CNTNAP2: variants seen among roughly 807,000 people sequenced by gnomAD.
The protein encoded by CNTNAP2 is contactin-associated protein-like 2.
A neutral mutation model predicts 155.2 loss-of-function variants in CNTNAP2; 98 were observed. The observed-to-expected ratio is 0.63, with a 90% CI of 0.54 to 0.75. CNTNAP2 has a LOEUF of 0.75. CNTNAP2 is among the 30% of genes least tolerant of loss of function. The pLI is 0.00. For synonymous variants in CNTNAP2, 651 were observed against 631.2 expected (o/e 1.03, Z -0.47); for missense variants, 1,727 against 1,688.1 (o/e 1.02, Z -0.40).
intron 3 of CNTNAP2, among the ~76,000 whole-genome samples, chr7:146,927,034 G>A (rs372375033): frequency 6.6e-6 from 1 of 152,180 alleles, no homozygotes; most frequent in Admixed American, 6.5e-5. Flanking sequence ...AGAGCTTTGA[G>A]TTAGTCCTGG....
rs1801288885 is a variant in CNTNAP2, at chr7:147,128,723, A to G, written c.970A>G (p.Lys324Glu). ...CTTTGGAGGCATCCCTTTCTCTGGC[A>G]AGCCCAGCTCCAGCAGTAGAAAGAA... ...ITFGGIPFSG[K>E]PSSSSRKNFK... Residue 324 changes from lysine (K) to glutamate (E), a missense_variant, in exon 7 of 24, where the codon AAG (lysine) becomes GAG (glutamate). Transcript: ENST00000361727. 1 of 1,613,942 alleles carries G rather than the reference A, an allele frequency of 6.2e-7. No individual in the cohort carries two copies. Among genetic ancestry groups the G allele is most frequent in the African/African-American group, 1.3e-5 (1 of 74,928 alleles).
At chr7:146,874,151 C>A (rs1309809192) in intron 3 of CNTNAP2, among the ~76,000 whole-genome samples, 1 of 151,862 alleles carries the variant, frequency 6.6e-6, no homozygotes, top group Non-Finnish European at 1.5e-5. Context: ...ACGTTAAAAT[C>A]TGATGCCAGG....
chr7:146,700,928 G>A (rs2129173160), intron 1 of CNTNAP2, among the ~76,000 whole-genome samples: 1 of 152,174 alleles, frequency 6.6e-6, no homozygotes, highest in Admixed American at 6.6e-5. Flanking sequence ...GGTCCTCTGA[G>A]TAAAAGTTGA....
At chr7:147,570,458 G>T (rs1343641901) in intron 12 of CNTNAP2, among the ~76,000 whole-genome samples, 2 of 152,074 alleles carry the variant, frequency 1.3e-5, no homozygotes, top group African/African-American at 4.8e-5. Context: ...GTAACATATT[G>T]TTCTGTAAAA....
intron 21 of CNTNAP2, among the ~76,000 whole-genome samples, chr7:148,338,809 A>C (rs1798169591): frequency 6.6e-6 from 1 of 152,116 alleles, no homozygotes; most frequent in Non-Finnish European, 1.5e-5. Flanking sequence ...CAGAGGAGGG[A>C]GTGAGAGAAG....
intron 20 of CNTNAP2, among the ~76,000 whole-genome samples, chr7:148,258,322 G>C (rs2116827533): frequency 6.6e-6 from 1 of 152,296 alleles, no homozygotes; most frequent in East Asian, 1.9e-4. Context: ...ACTAGCAGGA[G>C]AGTCACACCT....
chr7:147,429,436 T>C (rs974213032), intron 10 of CNTNAP2, among the ~76,000 whole-genome samples: 17 of 152,058 alleles, frequency 1.1e-4, no homozygotes, highest in Non-Finnish European at 2.1e-4. Context: ...AGATTATTTG[T>C]TTTTTTCTTG....
At chr7:148,280,736 C>G (rs113834957) in intron 21 of CNTNAP2, among the ~76,000 whole-genome samples, 1 of 151,758 alleles carries the variant, frequency 6.6e-6, no homozygotes, top group Non-Finnish European at 1.5e-5. Flanking sequence ...CTAGTCAACA[C>G]GGCAAAACCC....
At chr7:147,656,318 C>T (rs538096991) in intron 13 of CNTNAP2, among the ~76,000 whole-genome samples, 14 of 152,334 alleles carry the variant, frequency 9.2e-5, no homozygotes, top group African/African-American at 3.1e-4. Flanking sequence ...CACAACTTTG[C>T]TAGCTGTTTG....
intron 2 of CNTNAP2, among the ~76,000 whole-genome samples, chr7:146,823,796 C>T (rs1227194947): frequency 6.6e-6 from 1 of 151,894 alleles, no homozygotes; most frequent in Non-Finnish European, 1.5e-5. Context: ...ATGTTTTCTT[C>T]CCATTTTTTT....
intron 13 of CNTNAP2, among the ~76,000 whole-genome samples, chr7:147,804,785 C>T (rs1003174334): frequency 4.6e-5 from 7 of 152,112 alleles, no homozygotes; most frequent in African/African-American, 1.7e-4. Flanking sequence ...AACTCCTGAC[C>T]TCAAATGATC....
chr7:146,947,740 T>C (rs760452068), intron 3 of CNTNAP2, among the ~76,000 whole-genome samples: 3 of 151,148 alleles, frequency 2.0e-5, no homozygotes, highest in African/African-American at 4.9e-5. Context: ...ACCCTGTTGC[T>C]ACAAAAAATA....
intron 1 of CNTNAP2, among the ~76,000 whole-genome samples, chr7:146,705,373 G>C (rs1466919834): frequency 6.6e-6 from 1 of 152,086 alleles, no homozygotes; most frequent in Non-Finnish European, 1.5e-5. Context: ...CTGGTTCATA[G>C]ATGGTAACTT....
chr7:146,913,857 G>A (rs926002263), intron 3 of CNTNAP2, among the ~76,000 whole-genome samples: 2 of 151,804 alleles, frequency 1.3e-5, no homozygotes, highest in African/African-American at 2.4e-5. Flanking sequence ...CCCATCACCT[G>A]AGCAGTGTAC....
intron 1 of CNTNAP2, among the ~76,000 whole-genome samples, chr7:146,401,194 G>A (rs1370443286): frequency 6.6e-6 from 1 of 152,096 alleles, no homozygotes; most frequent in African/African-American, 2.4e-5. Context: ...CATTCTCCCT[G>A]CCGCTCAGCT....
At chr7:148,049,092 G>A (rs1196158935) in intron 15 of CNTNAP2, among the ~76,000 whole-genome samples, 1 of 152,090 alleles carries the variant, frequency 6.6e-6, no homozygotes, top group Non-Finnish European at 1.5e-5. Context: ...GTAGGTGCCT[G>A]TAATCCCAGC....
intron 4 of CNTNAP2, among the ~76,000 whole-genome samples, chr7:147,079,712 G>A (rs1293575224): frequency 1.3e-5 from 2 of 151,608 alleles, no homozygotes; most frequent in African/African-American, 4.8e-5. Flanking sequence ...TACCTGATAG[G>A]AATCATTTAA....
intron 13 of CNTNAP2, among the ~76,000 whole-genome samples, chr7:147,806,731 T>A (rs1285119462): frequency 1.3e-5 from 2 of 152,132 alleles, no homozygotes; most frequent in Non-Finnish European, 2.9e-5. Context: ...TTATATTAAG[T>A]GAAATAAGCC....
chr7:146,290,478 C>T (rs1450578273), intron 1 of CNTNAP2, among the ~76,000 whole-genome samples: 1 of 152,204 alleles, frequency 6.6e-6, no homozygotes, highest in Non-Finnish European at 1.5e-5. Context: ...TTCTGAAGCA[C>T]AGCAAAGCTG....
Sources: gnomAD v4.1 joint callset for allele counts (sites outside exome capture counted in the v4.1 genomes callset) on GRCh38, gnomAD v4.1.1 for gene constraint, MANE v1.5 for transcripts, NCBI Gene and HGNC (gene_info 2026-07-23, HGNC 2026-07-21) for gene names.